AP3D1: variants seen among roughly 807,000 people sequenced by gnomAD.
AP3D1 encodes the protein AP-3 complex subunit delta-1.
Under a neutral mutation model 147.6 loss-of-function variants are expected in AP3D1, and 51 were observed. That is an observed-to-expected ratio of 0.35 (90% confidence interval 0.28 to 0.44). AP3D1 has a LOEUF of 0.44. Among genes scored for constraint, AP3D1 ranks in the 20% least tolerant of loss-of-function variants. The pLI is 1.00. For synonymous variants in AP3D1, 760 were observed against 663.0 expected (o/e 1.15, Z -2.25); for missense variants, 1,421 against 1,624.2 (o/e 0.87, Z 2.15).
At chr19:2,133,087 G>C (rs766029679) in intron 4 of AP3D1, among the ~76,000 whole-genome samples, 1 of 152,180 alleles carries the variant, frequency 6.6e-6, no homozygotes. Flanking sequence ...CTTCCCTCAC[G>C]TATCACTGGC....
rs550071752 is a variant in AP3D1, at chr19:2,130,717, C to T, written c.463-180G>A. Among the ~76,000 whole-genome samples the T allele has an allele frequency of 1.1e-3, 165 of 152,322 alleles. 3 individuals are homozygous for T. The highest frequency in any genetic ancestry group is 5.5e-3 in the Admixed American group (84 of 15,306). The stretch of plus-strand genomic sequence containing the variant: ...GGCATGGAAGCCAGCCTCACTGTGC[C>T]CCTGACTCAGGCCTGCCCTCCAGAG... On this transcript the variant is annotated intron_variant, in intron 5 of 31. Coordinates refer to ENST00000643116, the MANE Select transcript of AP3D1 (RefSeq NM_001261826.3).
chr19:2,164,229 T>C (rs2144620361), intron 1 of AP3D1: 1 of 1,285,116 alleles, frequency 7.8e-7, no homozygotes, highest in Non-Finnish European at 9.9e-7. Context: ...CCGTGGGGGC[T>C]GAGCCCGCCG....
Position 2,127,179 on chromosome 19 carries a change from AGAG to A in AP3D1, c.826_828del (p.Leu276del), listed in dbSNP as rs1170624811. The A allele has an allele frequency of 1.2e-6, 2 of 1,613,906 alleles. No homozygotes were observed. Among genetic ancestry groups the A allele is most frequent in the Admixed American group, 1.7e-5 (1 of 60,006 alleles). On this transcript the variant is annotated inframe_deletion, in exon 9 of 32. Transcript: ENST00000643116. ...GCAATCACGGTGTTCACACATTCATAGAGGAGAGACATGGCAGACGTGCTAAGG... is the reference window on the plus strand; with the variant it reads ...GCAATCACGGTGTTCACACATTCATAGAGAGACATGGCAGACGTGCTAAGG...
At chr19:2,119,346 C>T (rs1051919863) in intron 14 of AP3D1, among the ~76,000 whole-genome samples, 1 of 152,194 alleles carries the variant, frequency 6.6e-6, no homozygotes, top group East Asian at 1.9e-4. Flanking sequence ...ATCACGAGGT[C>T]AGGAGTTTGA....
upstream of AP3D1, among the ~76,000 whole-genome samples, chr19:2,153,052 C>T (rs1307330990): frequency 7.2e-6 from 1 of 139,108 alleles, no homozygotes; most frequent in African/African-American, 2.7e-5. Context: ...GTCAGACACC[C>T]ATCTTAAAAA....
chr19:2,152,118 T>G (rs1426060312), upstream of AP3D1, among the ~76,000 whole-genome samples: 2 of 152,190 alleles, frequency 1.3e-5, no homozygotes. Context: ...ACATTGTCAT[T>G]CATTCAGTAA....
chr19:2,154,065 A>G (rs2144592975), upstream of AP3D1, among the ~76,000 whole-genome samples: 1 of 151,212 alleles, frequency 6.6e-6, no homozygotes, highest in East Asian at 2.0e-4. Context: ...CTCCTGCCTC[A>G]GCCTCCCGAG....
intron 31 of AP3D1, among the ~76,000 whole-genome samples, chr19:2,106,665 T>C (rs2018118522): frequency 6.6e-6 from 1 of 152,180 alleles, no homozygotes; most frequent in Admixed American, 6.5e-5. Context: ...GGAGCAGCGA[T>C]GGATGAGTGG....
upstream of AP3D1, among the ~76,000 whole-genome samples, chr19:2,154,724 C>T (rs183203602): frequency 3.9e-3 from 598 of 152,380 alleles, 3 homozygotes; most frequent in Non-Finnish European, 6.9e-3. Context: ...ATGCCCCATA[C>T]CCTGGAGGAA....
At chr19:2,151,158 C>T in intron 1 of AP3D1, 81 bp downstream of exon 1, 1 of 1,335,106 alleles carries the variant, frequency 7.5e-7, no homozygotes, top group Non-Finnish European at 1.0e-6. Flanking sequence ...GGCGGCAGGC[C>T]GAGCAGGCCC....
upstream of AP3D1, among the ~76,000 whole-genome samples, chr19:2,155,016 T>G (rs1302401885): frequency 6.6e-6 from 1 of 151,798 alleles, no homozygotes; most frequent in Non-Finnish European, 1.5e-5. Flanking sequence ...CCTGACTCTA[T>G]TAAAAGTACA....
chr19:2,127,134 G>A lies in AP3D1; in HGVS notation c.856+18C>T, dbSNP rs1485762869. 5 of 1,613,634 alleles carry A rather than the reference G, an allele frequency of 3.1e-6. No individual in the cohort carries two copies. The South Asian group carries it at 3.3e-5, about 11-fold the overall frequency. On this transcript the variant is annotated intron_variant, in intron 9 of 31. Coordinates refer to ENST00000643116, the MANE Select transcript of AP3D1 (RefSeq NM_001261826.3). ...GGCAGTGCCAGCCCTTCCAGATGGG[G>A]AGAGTGCCAGTTCTCACCTGCAATC...
At chr19:2,122,621 G>T (rs531412788) in intron 11 of AP3D1, among the ~76,000 whole-genome samples, 2 of 152,350 alleles carry the variant, frequency 1.3e-5, no homozygotes, top group African/African-American at 4.8e-5. Context: ...AATAAGAAAT[G>T]AACAACTAAT....
rs187761894 is a variant in AP3D1 at position 2,126,514 on chromosome 19, C to A, written c.856+638G>T. Among the ~76,000 whole-genome samples, 243 of 151,940 alleles carry A rather than the reference C, an allele frequency of 1.6e-3. 1 individual carries two copies. Among genetic ancestry groups the A allele is most frequent in the African/African-American group, 5.5e-3 (229 of 41,460 alleles). ...ACTAAAAATACAAAAATTAGCCAGG[C>A]GTGGTGGCGGGCGCCTATAGTCCCT... On this transcript the variant is annotated intron_variant, in intron 9 of 31. Transcript: ENST00000643116.
intron 31 of AP3D1, among the ~76,000 whole-genome samples, chr19:2,105,803 T>C (rs1269217326): frequency 2.0e-5 from 3 of 152,152 alleles, no homozygotes; most frequent in African/African-American, 7.2e-5. Flanking sequence ...CCCAGCAGAA[T>C]GGCTGCCGTC....
At chr19:2,153,674 CAA>C (rs1168914817), upstream of AP3D1, among the ~76,000 whole-genome samples, 19 of 76,610 alleles carry the variant, frequency 2.5e-4, no homozygotes, top group Admixed American at 3.0e-4. Context: ...GATTCCGTCT[CAA>C]AAAAAAAAAA....
At chr19:2,123,945 C>T in intron 9 of AP3D1, 66 bp from the exon 10 acceptor site, 1 of 1,512,272 alleles carries the variant, frequency 6.6e-7, no homozygotes, top group Non-Finnish European at 9.0e-7. Flanking sequence ...CAACTCAGGG[C>T]CACGGGGCAC....
chr19:2,134,890 C>T (rs1261304547), intron 4 of AP3D1, among the ~76,000 whole-genome samples: 4 of 151,924 alleles, frequency 2.6e-5, no homozygotes, highest in Non-Finnish European at 4.4e-5. Context: ...CATGAGCCAC[C>T]GCACCCGGCC....
chr19:2,139,971 G>T (rs150265412), intron 1 of AP3D1, among the ~76,000 whole-genome samples: 217 of 152,274 alleles, frequency 1.4e-3, no homozygotes, highest in African/African-American at 5.1e-3. Flanking sequence ...GGAGTGGGGG[G>T]GTGGGGGAGG....
Sources: allele counts gnomAD v4.1 joint callset (sites outside exome capture counted in the v4.1 genomes callset), GRCh38; gene constraint gnomAD v4.1.1; transcripts MANE v1.5; gene names NCBI Gene and HGNC (gene_info 2026-07-23, HGNC 2026-07-21).